Variants in HPCAL1 observed in about 807,000 individuals in gnomAD.
The protein encoded by HPCAL1 is hippocalcin-like protein 1.
Under a neutral mutation model 17.1 loss-of-function variants are expected in HPCAL1, and 8 were observed. That is an observed-to-expected ratio of 0.47 (90% CI 0.27 to 0.84). The LOEUF (loss-of-function observed/expected upper bound fraction) is 0.84, where lower values mean the gene tolerates loss of function less well. HPCAL1 is among the 40% of genes least tolerant of loss of function. HPCAL1 has a pLI of 0.13. For missense variants in HPCAL1, 165 were observed against 271.1 expected, an observed-to-expected ratio of 0.61 and a Z score of 2.75; for synonymous variants, 112 against 111.4, an observed-to-expected ratio of 1.01 and a Z score of -0.03.
chr2:10,426,469 T>A (rs1671414181), intron 4 of HPCAL1: 2 of 475,060 alleles, frequency 4.2e-6, no homozygotes, highest in Admixed American at 7.0e-5. Flanking sequence ...ATGGCCCTCA[T>A]CAGCCACGTC....
At chr2:10,371,809 T>A (rs1041038190) in intron 1 of HPCAL1, among the ~76,000 whole-genome samples, 1 of 152,130 alleles carries the variant, frequency 6.6e-6, no homozygotes, top group Non-Finnish European at 1.5e-5. Flanking sequence ...CAGCGTGCCA[T>A]GGAGGATAGG....
intron 1 of HPCAL1, among the ~76,000 whole-genome samples, chr2:10,324,648 T>TAA (rs1303242835): frequency 6.6e-6 from 1 of 151,880 alleles, no homozygotes; most frequent in East Asian, 1.9e-4. Flanking sequence ...GGTCCTGCCT[T>TAA]ACCGGTTCTA....
intron 1 of HPCAL1, among the ~76,000 whole-genome samples, chr2:10,357,256 C>T (rs1411173898): frequency 6.6e-6 from 1 of 152,162 alleles, no homozygotes; most frequent in Non-Finnish European, 1.5e-5. Flanking sequence ...CTTGCAGTAC[C>T]CACCAAGCCA....
At chr2:10,386,499 C>G (rs111286197) in intron 1 of HPCAL1, among the ~76,000 whole-genome samples, 3 of 152,080 alleles carry the variant, frequency 2.0e-5, no homozygotes, top group Admixed American at 1.3e-4. Context: ...GACCCCCCCC[C>G]AGGTTACAGG....
At chr2:10,400,657 G>C (rs915446308) in intron 2 of HPCAL1, among the ~76,000 whole-genome samples, 5 of 152,212 alleles carry the variant, frequency 3.3e-5, no homozygotes, top group African/African-American at 9.6e-5. Flanking sequence ...TGACTTGGCA[G>C]TATCACTTCC....
At chr2:10,319,781 G>A (rs1221559816) in intron 1 of HPCAL1, among the ~76,000 whole-genome samples, 1 of 151,792 alleles carries the variant, frequency 6.6e-6, no homozygotes, top group Non-Finnish European at 1.5e-5. Context: ...TGTCTACTAT[G>A]TGCCAGTCTC....
chr2:10,405,911 G>A (rs932904621), intron 2 of HPCAL1, among the ~76,000 whole-genome samples: 32 of 152,152 alleles, frequency 2.1e-4, no homozygotes, highest in African/African-American at 7.2e-4. Flanking sequence ...CCAAGTCCCC[G>A]CAAATGGGAC....
At position 10,344,304 on chromosome 2, in the gene HPCAL1, C is replaced by T. The variant is rs1291770542; in HGVS notation, c.-111+41127C>T. On this transcript the variant is annotated intron_variant, in intron 1 of 4. Coordinates refer to ENST00000307845, the MANE Select transcript of HPCAL1 (RefSeq NM_002149.4). This position sits in a 1 kb window ranked among gnomAD's most constrained non-coding sequence, Gnocchi z 4.9. ...GCAGCCCTGAGCCAAGGATTAATTA[C>T]GTAACAAGCCCAGATCCCATCCCTG... Among the ~76,000 whole-genome samples the T allele has an allele frequency of 1.3e-5, 2 of 152,126 alleles. No individual in the cohort carries two copies. The highest frequency in any genetic ancestry group is 6.5e-5 in the Admixed American group (1 of 15,282).
At position 10,398,890 on chromosome 2, in the gene HPCAL1, C is replaced by A. The variant is rs964973182; in HGVS notation, c.-25+1970C>A. 2.0e-5 allele frequency among the ~76,000 whole-genome samples: 3 copies of A among 152,174 alleles called. No individual in the cohort carries two copies. The South Asian group carries it at 6.2e-4, about 32-fold the overall frequency. Reference sequence around the variant, plus strand: ...TATTTTTCTCAGCAGAAAATAGACACAACTGCATGTGAAGGGGCCACTTCC... The same window carrying A: ...TATTTTTCTCAGCAGAAAATAGACAAAACTGCATGTGAAGGGGCCACTTCC... On this transcript the variant is annotated intron_variant, in intron 2 of 4. Transcript: ENST00000307845.
chr2:10,332,233 C>A (rs934844935), intron 1 of HPCAL1, among the ~76,000 whole-genome samples: 3 of 152,228 alleles, frequency 2.0e-5, no homozygotes, highest in African/African-American at 7.2e-5. Context: ...CTCCACCCAC[C>A]CATGATCCCG....
chr2:10,412,838 C>T (rs989454580), intron 2 of HPCAL1, among the ~76,000 whole-genome samples: 1 of 152,200 alleles, frequency 6.6e-6, no homozygotes, highest in African/African-American at 2.4e-5. Context: ...TTGCCATCTC[C>T]CTGCCCACTT....
intron 1 of HPCAL1, among the ~76,000 whole-genome samples, chr2:10,327,958 G>A (rs183936634): frequency 5.9e-5 from 9 of 152,300 alleles, no homozygotes; most frequent in Admixed American, 3.9e-4. Flanking sequence ...ATGTATAAAG[G>A]CGCATTAGAT....
chr2:10,426,513 CCTGATGTATTG>C (rs1671416524), intron 4 of HPCAL1, 200 bp from the exon 5 acceptor site: 1 of 553,646 alleles, frequency 1.8e-6, no homozygotes, highest in Non-Finnish European at 3.3e-6. Flanking sequence ...CTTTGAGGTA[CCTGATGTATTG>C]CAGGGAGCAG....
chr2:10,329,569 G>A (rs1178437429), intron 1 of HPCAL1, among the ~76,000 whole-genome samples: 2 of 152,248 alleles, frequency 1.3e-5, no homozygotes, highest in East Asian at 3.9e-4. Context: ...CAGCCCTACT[G>A]ACACAGTCTC....
chr2:10,395,875 T>C lies in HPCAL1; in HGVS notation c.-110-960T>C, dbSNP rs1179874029. On this transcript the variant is annotated intron_variant, in intron 1 of 4. Coordinates refer to ENST00000307845, the MANE Select transcript of HPCAL1 (RefSeq NM_002149.4). This position sits in a 1 kb window ranked among gnomAD's most constrained non-coding sequence, Gnocchi z 4.4. ...ACGTTGGATAATGAGTACAAATGCATAGACAGCCTTTAGCAAGGAGCCTGG... is the reference window on the plus strand; with the variant it reads ...ACGTTGGATAATGAGTACAAATGCACAGACAGCCTTTAGCAAGGAGCCTGG... Among the ~76,000 whole-genome samples, 1 of 152,154 alleles carries C rather than the reference T, an allele frequency of 6.6e-6. No individual in the cohort carries two copies. The highest frequency in any genetic ancestry group is 1.5e-5 in the Non-Finnish European group (1 of 68,020).
At chr2:10,371,135 G>T (rs558653948) in intron 1 of HPCAL1, among the ~76,000 whole-genome samples, 3 of 152,338 alleles carry the variant, frequency 2.0e-5, no homozygotes, top group East Asian at 3.9e-4. Flanking sequence ...TGGAGCCCTG[G>T]GGCCAGGCAG....
At position 10,342,909 on chromosome 2, in the gene HPCAL1, C is replaced by G. The variant is rs1378738405; in HGVS notation, c.-111+39732C>G. 1.3e-5 allele frequency among the ~76,000 whole-genome samples: 2 copies of G among 152,196 alleles called. No individual in the cohort carries two copies. Among genetic ancestry groups the G allele is most frequent in the Non-Finnish European group, 2.9e-5 (2 of 68,036 alleles). Reference sequence around the variant, plus strand: ...CCTCTCCCCGCTGCCTTCCCCCGGCCCCTTTTTGGACAGGATGTTGCTCCC... The same window carrying G: ...CCTCTCCCCGCTGCCTTCCCCCGGCGCCTTTTTGGACAGGATGTTGCTCCC... On this transcript the variant is annotated intron_variant, in intron 1 of 4. Transcript: ENST00000307845. The surrounding 1 kb of genome is among the most constrained non-coding windows in gnomAD (Gnocchi z 4.1).
In HPCAL1 at chr2:10,321,779, T is replaced by C. The variant is rs1663684643; in HGVS notation, c.-111+18602T>C. Reference sequence around the variant, plus strand: ...GCACAGTGTTTTCATGCACCGCCAATGCTGCGTGTGTATCTGTACTGCATG... The same window carrying C: ...GCACAGTGTTTTCATGCACCGCCAACGCTGCGTGTGTATCTGTACTGCATG... On this transcript the variant is annotated intron_variant, in intron 1 of 4. Coordinates refer to ENST00000307845, the MANE Select transcript of HPCAL1 (RefSeq NM_002149.4). Among the ~76,000 whole-genome samples the C allele has an allele frequency of 3.9e-5, 6 of 152,360 alleles. No individual in the cohort carries two copies. The South Asian group carries it at 1.2e-3, about 32-fold the overall frequency.
chr2:10,303,885 G>A (rs1440565424), intron 1 of HPCAL1: 1 of 152,316 alleles, frequency 6.6e-6, no homozygotes, highest in East Asian at 1.9e-4. Flanking sequence ...GGGGGCTGTG[G>A]TGACAGGTGA....
Sources: gnomAD v4.1 joint callset for allele counts (sites outside exome capture counted in the v4.1 genomes callset) on GRCh38, gnomAD v4.1.1 for gene constraint, Gnocchi (gnomAD v3.1) non-coding constraint, MANE v1.5 for transcripts, NCBI Gene and HGNC (gene_info 2026-07-23, HGNC 2026-07-21) for gene names.